The following FAT3 variants were observed in gnomAD, a reference collection of about 807,000 sequenced individuals.
The protein encoded by FAT3 is FAT atypical cadherin 3.
A neutral mutation model predicts 310.2 loss-of-function variants in FAT3; 95 were observed. That is an observed-to-expected ratio of 0.31 (90% CI 0.26 to 0.36). The LOEUF is 0.36. Among genes scored for constraint, FAT3 ranks in the 10% least tolerant of loss-of-function variants. The pLI, the probability that FAT3 is intolerant of heterozygous loss-of-function variation, is 1.00. For synonymous variants in FAT3, 2,314 were observed against 2,192.9 expected (o/e 1.06, Z -1.54); for missense variants, 5,408 against 5,715.6 (o/e 0.95, Z 1.74).
At chr11:92,712,802 C>T (rs1165095415) in intron 4 of FAT3, among the ~76,000 whole-genome samples, 1 of 152,136 alleles carries the variant, frequency 6.6e-6, no homozygotes, top group African/African-American at 2.4e-5. Flanking sequence ...CAGAAAACAC[C>T]ATCTATAAGG....
intron 2 of FAT3, among the ~76,000 whole-genome samples, chr11:92,388,547 G>A (rs549179811): frequency 4.7e-4 from 72 of 152,190 alleles, no homozygotes; most frequent in Non-Finnish European, 8.2e-4. Flanking sequence ...AAAGACTTGG[G>A]TACATGTTTC....
rs758587642 is a variant in FAT3 at position 92,412,702 on chromosome 11, GATATATATATATATATATAT to G, written c.3292+57322_3292+57341del. ...GTAAAAGTCCAACTATGATGGTGGT[GATATATATATATATATATAT>G]ATATATATATATATATATATATAAA... On this transcript the variant is annotated intron_variant, in intron 2 of 27. Transcript: ENST00000525166. Among the ~76,000 whole-genome samples the G allele has an allele frequency of 2.2e-4, 3 of 13,448 alleles. 1 individual carries two copies. Among genetic ancestry groups the G allele is most frequent in the Non-Finnish European group, 6.5e-4 (3 of 4,596 alleles). The allele number at this position is 13,448 out of a possible 152,430, so 8.8% of individuals were successfully genotyped here. A position where few individuals can be genotyped will look rare whatever the true frequency, so the allele number is the denominator to read the frequency against.
chr11:92,775,146 CA>C (rs1277844878), intron 7 of FAT3, among the ~76,000 whole-genome samples: 25 of 152,106 alleles, frequency 1.6e-4, no homozygotes, highest in Admixed American at 1.2e-3. Context: ...CTGCTGAGCC[CA>C]GATATGTCCT....
chr11:92,705,394 G>A (rs1944249470), intron 4 of FAT3, among the ~76,000 whole-genome samples: 1 of 122,714 alleles, frequency 8.1e-6, no homozygotes, highest in Non-Finnish European at 1.8e-5. Context: ...GGTGGTGGTG[G>A]TGATGGTGGT....
chr11:92,390,772 A>G (rs1949730385), intron 2 of FAT3, among the ~76,000 whole-genome samples: 1 of 152,174 alleles, frequency 6.6e-6, no homozygotes, highest in African/African-American at 2.4e-5. Context: ...ACCTCCAGGA[A>G]TGGGTAGAAG....
At chr11:92,303,156 T>A (rs1039826006) in intron 1 of FAT3, among the ~76,000 whole-genome samples, 10 of 152,146 alleles carry the variant, frequency 6.6e-5, no homozygotes, top group African/African-American at 2.4e-4. Flanking sequence ...ATTTTACAGT[T>A]TTAAATCTGT....
intron 1 of FAT3, among the ~76,000 whole-genome samples, chr11:92,246,893 T>C (rs1864936020): frequency 6.6e-6 from 1 of 151,954 alleles, no homozygotes; most frequent in African/African-American, 2.4e-5. Context: ...GAACATGAAA[T>C]GATGTAATTT....
At chr11:92,493,336 C>A (rs964239702) in intron 2 of FAT3, among the ~76,000 whole-genome samples, 1 of 152,104 alleles carries the variant, frequency 6.6e-6, no homozygotes, top group Non-Finnish European at 1.5e-5. Flanking sequence ...GTTGGCCTTA[C>A]TCTGAGCTGC....
chr11:92,641,279 A>G (rs1202839949), intron 3 of FAT3, among the ~76,000 whole-genome samples: 1 of 152,214 alleles, frequency 6.6e-6, no homozygotes, highest in Non-Finnish European at 1.5e-5. Context: ...ATATGTATTT[A>G]TATATTTATT....
intron 1 of FAT3, among the ~76,000 whole-genome samples, chr11:92,287,165 G>A (rs1946580409): frequency 6.6e-6 from 1 of 152,016 alleles, no homozygotes; most frequent in African/African-American, 2.4e-5. Flanking sequence ...TTAATGAGAA[G>A]AACTGAAGAA....
chr11:92,571,929 AGAG>A (rs1314879147), intron 3 of FAT3, among the ~76,000 whole-genome samples: 1 of 152,240 alleles, frequency 6.6e-6, no homozygotes, highest in East Asian at 1.9e-4. Flanking sequence ...TGAAAACATC[AGAG>A]AACTTTAACA....
chr11:92,372,791 G>T (rs925906609), intron 2 of FAT3, among the ~76,000 whole-genome samples: 2 of 152,006 alleles, frequency 1.3e-5, no homozygotes, highest in Non-Finnish European at 2.9e-5. Context: ...CTCCTGAGAA[G>T]CTGGGACTAC....
chr11:92,339,662 G>T (rs1245194294), intron 1 of FAT3, among the ~76,000 whole-genome samples: 1 of 152,178 alleles, frequency 6.6e-6, no homozygotes, highest in East Asian at 1.9e-4. Flanking sequence ...TATGGAAGCT[G>T]CAGTGACTCT....
intron 2 of FAT3, among the ~76,000 whole-genome samples, chr11:92,516,117 A>C (rs928802445): frequency 2.0e-5 from 3 of 151,978 alleles, no homozygotes; most frequent in Non-Finnish European, 4.4e-5. Flanking sequence ...AAAAAGAGGG[A>C]CTCTTCCCTA....
At position 92,890,676 on chromosome 11, in the gene FAT3, T is replaced by C. The variant is rs1247351604; in HGVS notation, c.13333T>C (p.Phe4445Leu). Residue 4445 changes from phenylalanine to leucine, a missense_variant, in exon 28 of 28, where the codon TTC becomes CTC. Coordinates refer to ENST00000525166, the MANE Select transcript of FAT3 (RefSeq NM_001367949.2). The part of the protein sequence containing the change: ...SEYPPPHEEE[F>L]LSQDQLPPPL... ...ATACCCACCCCCTCATGAAGAGGAG[T>C]TCTTGAGTCAGGACCAGCTGCCTCC... 6.2e-7 allele frequency: 1 copy of C among 1,613,436 alleles called. No individual in the cohort carries two copies. Among genetic ancestry groups the C allele is most frequent in the Non-Finnish European group, 8.5e-7 (1 of 1,179,770 alleles).
At chr11:92,472,405 G>A (rs796246599) in intron 2 of FAT3, among the ~76,000 whole-genome samples, 3 of 152,088 alleles carry the variant, frequency 2.0e-5, no homozygotes, top group African/African-American at 7.2e-5. Context: ...TTGACCTGGT[G>A]GACTGATCAA....
intron 2 of FAT3, among the ~76,000 whole-genome samples, chr11:92,429,106 T>G (rs998407077): frequency 1.1e-4 from 17 of 152,234 alleles, no homozygotes; most frequent in African/African-American, 4.1e-4. Context: ...CTCTTCTTGC[T>G]GCATTGATCC....
intron 4 of FAT3, among the ~76,000 whole-genome samples, chr11:92,760,251 A>G (rs534451363): frequency 1.1e-4 from 16 of 152,364 alleles, no homozygotes; most frequent in African/African-American, 3.6e-4. Flanking sequence ...TCTTAAGTCT[A>G]TTAAAGCTAT....
At chr11:92,683,970 C>T (rs1943559548) in intron 3 of FAT3, among the ~76,000 whole-genome samples, 1 of 152,122 alleles carries the variant, frequency 6.6e-6, no homozygotes, top group South Asian at 2.1e-4. Context: ...TGACATGTAG[C>T]ATCGACATGT....
Sources: allele counts gnomAD v4.1 joint callset (sites outside exome capture counted in the v4.1 genomes callset), GRCh38; gene constraint gnomAD v4.1.1; transcripts MANE v1.5; gene names NCBI Gene and HGNC (gene_info 2026-07-23, HGNC 2026-07-21).